The following SH3GLB1 variants were observed in gnomAD, a reference collection of about 807,000 sequenced individuals.
The protein encoded by SH3GLB1 is SH3 domain containing GRB2 like, endophilin B1, also known as endophilin-B1.
In SH3GLB1, 17 loss-of-function variants were observed where a neutral mutation model predicts 42.0. The observed-to-expected ratio is 0.40, with a 90% CI of 0.28 to 0.61. SH3GLB1 has a LOEUF of 0.61. Ranked by LOEUF, SH3GLB1 falls within the 20% of genes least tolerant of loss-of-function variation. The probability of loss-of-function intolerance (pLI) is 0.36; values close to 1 mark genes in which losing one functional copy is unlikely to be tolerated. For missense variants in SH3GLB1, 355 were observed against 426.3 expected (o/e 0.83, Z 1.47); for synonymous variants, 132 against 146.6 (o/e 0.90, Z 0.72).
At position 86,724,392 on chromosome 1, in the gene SH3GLB1, A is replaced by C; in HGVS notation, c.557A>C (p.Glu186Ala). Reference protein sequence around the residue: ...KTRLKKAKAAETRNSSEQELR... With the variant: ...KTRLKKAKAAATRNSSEQELR... ...AGACTAAAAAAGGCAAAAGCTGCAG[A>C]AACTAGAAATTCAGTAAGTAAATAG... Residue 186 changes from glutamate (E) to alanine (A), a missense_variant, in exon 5 of 9, where the codon GAA becomes GCA. Coordinates refer to ENST00000370558, the MANE Select transcript of SH3GLB1 (RefSeq NM_016009.5). 1 of 1,598,888 alleles carries C rather than the reference A, an allele frequency of 6.3e-7. No individual in the cohort carries two copies. Among genetic ancestry groups the C allele is most frequent in the Non-Finnish European group, 8.5e-7 (1 of 1,174,764 alleles).
intron 1 of SH3GLB1, among the ~76,000 whole-genome samples, chr1:86,715,248 A>T (rs1654441065): frequency 6.6e-6 from 1 of 152,188 alleles, no homozygotes; most frequent in South Asian, 2.1e-4. Flanking sequence ...AATCCCCCAA[A>T]CACTATAAAA....
At chr1:86,738,326 C>T (rs140712517) in intron 7 of SH3GLB1, among the ~76,000 whole-genome samples, 2,773 of 151,954 alleles carry the variant, frequency 0.018, 43 homozygotes, top group African/African-American at 0.029. Context: ...AGTGCAGTGG[C>T]GCAATCTCGG....
At chr1:86,731,500 T>C (rs780799223) in intron 5 of SH3GLB1, among the ~76,000 whole-genome samples, 4 of 152,116 alleles carry the variant, frequency 2.6e-5, no homozygotes, top group Non-Finnish European at 1.5e-5. Flanking sequence ...GGCTTCTGAT[T>C]TCTCTCTGAA....
At chr1:86,709,584 TAAAG>T (rs1654079725) in intron 1 of SH3GLB1, among the ~76,000 whole-genome samples, 2 of 152,190 alleles carry the variant, frequency 1.3e-5, no homozygotes, top group Non-Finnish European at 2.9e-5. Flanking sequence ...TTCAAGTGGA[TAAAG>T]GAACAAGAGA....
chr1:86,715,694 A>G (rs1451069274), intron 1 of SH3GLB1, 30 bp from the exon 2 acceptor site: 6 of 1,565,854 alleles, frequency 3.8e-6, no homozygotes, highest in African/African-American at 1.4e-5. Flanking sequence ...TTTGCAGTAT[A>G]TTTAATTTTT....
chr1:86,733,027 A>G (rs1450224661), intron 5 of SH3GLB1, among the ~76,000 whole-genome samples: 1 of 152,126 alleles, frequency 6.6e-6, no homozygotes, highest in Non-Finnish European at 1.5e-5. Flanking sequence ...AACAGTTAAT[A>G]GTGCATATGT....
intron 5 of SH3GLB1, 89 bp from the exon 6 acceptor site, chr1:86,734,513 C>A: frequency 2.2e-6 from 2 of 903,578 alleles, no homozygotes; most frequent in Non-Finnish European, 3.4e-6. Flanking sequence ...GAGGTTTGTT[C>A]GGGGGATTTT....
rs756999978 is a variant in SH3GLB1 at position 86,728,358 on chromosome 1, G to T, written c.570+3953G>T. 36 of 972,140 alleles carry T rather than the reference G, an allele frequency of 3.7e-5. No individual in the cohort carries two copies. In the Middle Eastern group the frequency reaches 6.4e-4, roughly 17 times the overall value. 60.2% of individuals were successfully genotyped at this position (972,140 alleles called of 1,614,324 possible). A position where few individuals can be genotyped will look rare whatever the true frequency, so the allele number is the denominator to read the frequency against. On this transcript the variant is annotated intron_variant, in intron 5 of 8. Transcript: ENST00000370558. ...GTGAAGAAGTAATTTGTTTCACTGT[G>T]TTCATTGGTATAATGTGTTCTTTGT...
At chr1:86,718,033 C>T (rs1161531908) in intron 2 of SH3GLB1, among the ~76,000 whole-genome samples, 1 of 149,998 alleles carries the variant, frequency 6.7e-6, no homozygotes. Context: ...AGAGTCAAAA[C>T]ACAAAGCTGT....
In SH3GLB1 at chr1:86,714,834, C is replaced by T. The variant is rs543899641; in HGVS notation, c.73-890C>T. ...GCATGATAAACAGCTTGAGTCATCACCTCTAATGTTTAATTAAAAGTATCC... is the reference window on the plus strand; with the variant it reads ...GCATGATAAACAGCTTGAGTCATCATCTCTAATGTTTAATTAAAAGTATCC... On this transcript the variant is annotated intron_variant, in intron 1 of 8. Coordinates refer to ENST00000370558, the MANE Select transcript of SH3GLB1 (RefSeq NM_016009.5). 7.9e-5 allele frequency among the ~76,000 whole-genome samples: 12 copies of T among 152,152 alleles called. No homozygotes were observed. In the South Asian group the frequency reaches 2.5e-3, roughly 32 times the overall value.
chr1:86,730,700 C>T (rs981034818), intron 5 of SH3GLB1, among the ~76,000 whole-genome samples: 1 of 152,064 alleles, frequency 6.6e-6, no homozygotes, highest in African/African-American at 2.4e-5. Context: ...AGTTTTTTCA[C>T]CATGTTGGCC....
At chr1:86,708,080 C>T (rs980275732) in intron 1 of SH3GLB1, among the ~76,000 whole-genome samples, 1 of 152,128 alleles carries the variant, frequency 6.6e-6, no homozygotes, top group African/African-American at 2.4e-5. Context: ...GTATGTTTGA[C>T]ATTTTCCATA....
chr1:86,707,144 T>G (rs986038620), intron 1 of SH3GLB1, among the ~76,000 whole-genome samples: 2 of 152,160 alleles, frequency 1.3e-5, no homozygotes, highest in African/African-American at 4.8e-5. Flanking sequence ...GCCAGAAGAA[T>G]AGAATAACGC....
chr1:86,743,447 C>A lies in SH3GLB1; in HGVS notation c.*212C>A. Reference sequence around the variant, plus strand: ...CTTTCATGCCAAGAATGTTTTCTTACAAAATTCTCTTTTTATTGAGGTTTC... The same window carrying A: ...CTTTCATGCCAAGAATGTTTTCTTAAAAAATTCTCTTTTTATTGAGGTTTC... On this transcript the variant is annotated 3_prime_UTR_variant, in exon 9 of 9. Transcript: ENST00000370558. 3.0e-6 allele frequency: 1 copy of A among 333,982 alleles called. No individual in the cohort carries two copies. The highest frequency in any genetic ancestry group is 5.4e-6 in the Non-Finnish European group (1 of 184,938). The allele number at this position is 333,982 out of a possible 1,614,324, so 20.7% of individuals were successfully genotyped here.
At position 86,735,417 on chromosome 1, in the gene SH3GLB1, G is replaced by C. The variant is rs540003103; in HGVS notation, c.761+238G>C. On this transcript the variant is annotated intron_variant, in intron 7 of 8. Coordinates refer to ENST00000370558, the MANE Select transcript of SH3GLB1 (RefSeq NM_016009.5). ...GTGAATACCTTTTCAGTGCTGTAAG[G>C]TTAAAAGTGTTTCAAGTTCACTTTT... Among the ~76,000 whole-genome samples, 254 of 152,184 alleles carry C rather than the reference G, an allele frequency of 1.7e-3. 1 individual carries two copies. Among genetic ancestry groups the C allele is most frequent in the African/African-American group, 5.8e-3 (241 of 41,524 alleles).
intron 4 of SH3GLB1, 116 bp downstream of exon 4, chr1:86,722,789 A>G (rs1190463171): frequency 8.4e-6 from 7 of 828,766 alleles, no homozygotes; most frequent in Admixed American, 7.0e-5. Flanking sequence ...AAATTAAATA[A>G]TCTAGGTCAG....
At chr1:86,727,311 CAGAA>C (rs1289232742) in intron 5 of SH3GLB1, among the ~76,000 whole-genome samples, 1 of 151,682 alleles carries the variant, frequency 6.6e-6, no homozygotes, top group African/African-American at 2.4e-5. Context: ...ACCAATTAAG[CAGAA>C]AGAAAGCCCA....
At chr1:86,722,192 G>C (rs1006678288) in intron 3 of SH3GLB1, among the ~76,000 whole-genome samples, 1 of 144,480 alleles carries the variant, frequency 6.9e-6, no homozygotes, top group Admixed American at 7.0e-5. Flanking sequence ...GAATGTTTTT[G>C]ATCGTGGTTG....
chr1:86,736,288 A>G (rs1158538106), intron 7 of SH3GLB1, among the ~76,000 whole-genome samples: 1 of 152,222 alleles, frequency 6.6e-6, no homozygotes, highest in Middle Eastern at 3.2e-3. Flanking sequence ...ATATCAAAAA[A>G]TCGTTTCAAG....
Sources: allele counts gnomAD v4.1 joint callset (sites outside exome capture counted in the v4.1 genomes callset), GRCh38; gene constraint gnomAD v4.1.1; transcripts MANE v1.5; gene names NCBI Gene and HGNC (gene_info 2026-07-23, HGNC 2026-07-21).